C17orf75: variants seen among roughly 807,000 people sequenced by gnomAD.
C17orf75 encodes the protein protein Njmu-R1.
C17orf75 carries 32 observed loss-of-function variants against 49.6 expected under a neutral mutation model. The ratio of observed to expected loss-of-function variants is 0.65; its 90% CI spans 0.49 to 0.87. The LOEUF is 0.87. C17orf75 is among the 40% of genes least tolerant of loss of function. The pLI is 0.00. For synonymous variants in C17orf75, 158 were observed against 159.5 expected (o/e 0.99, Z 0.07); for missense variants, 428 against 473.9 (o/e 0.90, Z 0.90).
rs545028411 is a variant in C17orf75 at position 32,329,877 on chromosome 17, C to G, written c.*1886G>C. 2 of 152,254 alleles carry G rather than the reference C, an allele frequency of 1.3e-5. No individual in the cohort carries two copies. The highest frequency in any genetic ancestry group is 4.8e-5 in the African/African-American group (2 of 41,462). 9.4% of individuals were successfully genotyped at this position (152,254 alleles called of 1,614,324 possible). On this transcript the variant is annotated 3_prime_UTR_variant, in exon 10 of 10. Transcript: ENST00000577809. ...TATTTTTTTGAGACAGAGTCTCGCT[C>G]TGTCACTCAGGTTGGAATGCAGTGG...
upstream of C17orf75, among the ~76,000 whole-genome samples, chr17:32,345,184 T>A (rs769327131): frequency 6.6e-6 from 1 of 151,328 alleles, no homozygotes; most frequent in Non-Finnish European, 1.5e-5. Flanking sequence ...TCCTTAGAAA[T>A]AGAATTTTAG....
chr17:32,341,922 G>A (rs1284491590), intron 1 of C17orf75, 78 bp downstream of exon 1: 1 of 1,152,772 alleles, frequency 8.7e-7, no homozygotes, highest in Non-Finnish European at 1.1e-6. Context: ...GCCGGGGGTG[G>A]GGTGCAAGGC....
chr17:32,343,557 G>T, upstream of C17orf75: 1 of 335,978 alleles, frequency 3.0e-6, no homozygotes. Flanking sequence ...ATTCCAAATT[G>T]CCTCTCCATA....
chr17:32,344,035 T>C (rs750519641), upstream of C17orf75: 5 of 673,824 alleles, frequency 7.4e-6, no homozygotes, highest in African/African-American at 7.1e-5. Context: ...ACTGGGTGCA[T>C]TGTACTTGAA....
upstream of C17orf75, chr17:32,342,244 C>T (rs931510384): frequency 3.6e-6 from 5 of 1,371,180 alleles, no homozygotes; most frequent in Non-Finnish European, 4.7e-6. Context: ...CGCACACCTG[C>T]GTTCCGCTGG....
rs557525559 is a variant in C17orf75, at chr17:32,337,361, G to T, written c.549+536C>A. 7.2e-5 allele frequency among the ~76,000 whole-genome samples: 11 copies of T among 152,002 alleles called. No individual in the cohort carries two copies. The South Asian group carries it at 2.1e-3, about 29-fold the overall frequency. ...GCCTGTAGTCCCAGCTGTTTAGGAG[G>T]CTGAGGCGAGAAGACTGCTTGAGCC... On this transcript the variant is annotated intron_variant, in intron 5 of 9. Coordinates refer to ENST00000577809, the MANE Select transcript of C17orf75 (RefSeq NM_022344.4).
At chr17:32,333,607 G>C in intron 8 of C17orf75, 87 bp from the exon 9 acceptor site, 3 of 1,232,896 alleles carry the variant, frequency 2.4e-6, no homozygotes, top group Non-Finnish European at 3.5e-6. Flanking sequence ...ATTCGCTCTT[G>C]TTGCCCGGCT....
At position 32,348,014 on chromosome 17, in the gene C17orf75, CT is replaced by C. The variant is rs752522686; in HGVS notation, c.-7+1927del. Among the ~76,000 whole-genome samples the C allele has an allele frequency of 6.4e-3, 913 of 143,176 alleles. 10 individuals carry two copies. The highest frequency in any genetic ancestry group is 0.018 in the African/African-American group (723 of 39,218). The allele number at this position is 143,176 out of a possible 152,430, so 93.9% of individuals were successfully genotyped here. A position where few individuals can be genotyped will look rare whatever the true frequency, so the allele number is the denominator to read the frequency against. On this transcript the variant is annotated intron_variant, in intron 1 of 8. Transcript: ENST00000583774. ...CTTGAGCAACTGCACCCAGCCTGAA[CT>C]TTTTTTTTTTTTTTCTTTTTGAGAC...
intron 2 of C17orf75, chr17:32,340,938 C>T (rs1470751118): frequency 7.1e-6 from 3 of 420,440 alleles, no homozygotes; most frequent in Non-Finnish European, 1.3e-5. Flanking sequence ...GAGCAAGACC[C>T]TGTCTCAATT....
chr17:32,339,728 A>T, intron 3 of C17orf75, 85 bp downstream of exon 3: 1 of 1,548,466 alleles, frequency 6.5e-7, no homozygotes, highest in South Asian at 1.2e-5. Flanking sequence ...CAGGTCTAGT[A>T]GGAGCTGATC....
chr17:32,348,378 T>C (rs529128132), intron 1 of C17orf75, among the ~76,000 whole-genome samples: 1 of 152,244 alleles, frequency 6.6e-6, no homozygotes, highest in East Asian at 1.9e-4. Context: ...CTTTGTGTTT[T>C]GGGGCAAATT....
chr17:32,345,687 G>A (rs561595633), upstream of C17orf75, among the ~76,000 whole-genome samples: 3 of 152,066 alleles, frequency 2.0e-5, no homozygotes, highest in African/African-American at 7.2e-5. Flanking sequence ...AGAATTAGGC[G>A]GGCGTGGTGG....
chr17:32,336,817 A>G (rs1356979024), intron 5 of C17orf75, among the ~76,000 whole-genome samples: 1 of 152,200 alleles, frequency 6.6e-6, no homozygotes, highest in African/African-American at 2.4e-5. Context: ...TGAAACTTTC[A>G]GCACTTACAG....
intron 6 of C17orf75, 74 bp from the exon 7 acceptor site, chr17:32,334,913 T>A (rs1414187693): frequency 1.7e-6 from 2 of 1,179,254 alleles, no homozygotes; most frequent in Non-Finnish European, 2.4e-6. Flanking sequence ...TGACTAAATG[T>A]CCCCATAAGT....
Position 32,341,268 on chromosome 17 carries a change from C to T in C17orf75, c.157G>A (p.Gly53Arg). ...YRGSRLAQQR[G>R]DSEDGSPSGT... ...CTTGGGCTTCCGTCCTCACTGTCCCCTCGTTGCTGTGCCAATCTACAAGCC... is the reference window on the plus strand; with the variant it reads ...CTTGGGCTTCCGTCCTCACTGTCCCTTCGTTGCTGTGCCAATCTACAAGCC... Residue 53 changes from glycine to arginine, a missense_variant, in exon 2 of 10, where the codon GGG becomes AGG. By Grantham distance (125) the Gly-to-Arg change is moderately radical. Coordinates refer to ENST00000577809, the MANE Select transcript of C17orf75 (RefSeq NM_022344.4). The T allele has an allele frequency of 6.2e-7, 1 of 1,613,964 alleles. No homozygotes were observed. Among genetic ancestry groups the T allele is most frequent in the Non-Finnish European group, 8.5e-7 (1 of 1,179,888 alleles).
chr17:32,335,621 G>C (rs2041317441), intron 5 of C17orf75, among the ~76,000 whole-genome samples, 179 bp from the exon 6 acceptor site: 1 of 152,188 alleles, frequency 6.6e-6, no homozygotes, highest in East Asian at 1.9e-4. Context: ...TTGTTGGGCA[G>C]GGTGAGGGTT....
chr17:32,342,324 G>C, upstream of C17orf75: 1 of 984,726 alleles, frequency 1.0e-6, no homozygotes, highest in East Asian at 3.4e-5. Context: ...GCTGACAGGC[G>C]TACTGAGTTC....
chr17:32,334,903 T>C, intron 6 of C17orf75, 64 bp from the exon 7 acceptor site: 1 of 1,319,924 alleles, frequency 7.6e-7, no homozygotes, highest in South Asian at 1.3e-5. Context: ...CAGCTACTCA[T>C]GACTAAATGT....
intron 5 of C17orf75, among the ~76,000 whole-genome samples, chr17:32,337,209 T>A (rs951009280): frequency 8.5e-5 from 13 of 152,068 alleles, no homozygotes; most frequent in Middle Eastern, 3.4e-3. Context: ...GTCTGTAATC[T>A]CAGCACTTTG....
Sources: allele counts gnomAD v4.1 joint callset (sites outside exome capture counted in the v4.1 genomes callset), GRCh38; gene constraint gnomAD v4.1.1; transcripts MANE v1.5; gene names NCBI Gene and HGNC (gene_info 2026-07-23, HGNC 2026-07-21).